Variants in TNFRSF19 observed in about 807,000 individuals in gnomAD.
TNFRSF19 encodes tumor necrosis factor receptor superfamily member 19.
TNFRSF19 carries 27 observed loss-of-function variants against 46.4 expected under a neutral mutation model. The ratio of observed to expected loss-of-function variants is 0.58; its 90% confidence interval spans 0.43 to 0.80. TNFRSF19 has a LOEUF of 0.80. TNFRSF19 is among the 30% of genes least tolerant of loss of function. The pLI is 0.00. For synonymous variants in TNFRSF19, 204 were observed against 205.0 expected, an observed-to-expected ratio of 1.00 and a Z score of 0.04; for missense variants, 511 against 530.8, an observed-to-expected ratio of 0.96 and a Z score of 0.37.
chr13:23,599,411 C>T (rs1461390498), intron 3 of TNFRSF19, among the ~76,000 whole-genome samples: 2 of 152,052 alleles, frequency 1.3e-5, no homozygotes, highest in Admixed American at 6.5e-5. Context: ...CTCGAGAGAT[C>T]CTGACAGCAT....
intron 1 of TNFRSF19, among the ~76,000 whole-genome samples, chr13:23,576,430 G>A (rs560711266): frequency 9.2e-5 from 14 of 152,124 alleles, no homozygotes; most frequent in Non-Finnish European, 1.8e-4. Flanking sequence ...ACTGCACCCG[G>A]CCCACAGAAC....
chr13:23,666,502 G>T (rs1284712068), intron 7 of TNFRSF19, among the ~76,000 whole-genome samples: 1 of 152,140 alleles, frequency 6.6e-6, no homozygotes, highest in Non-Finnish European at 1.5e-5. Context: ...TATTTATTCT[G>T]ATGCTCATGT....
At chr13:23,644,736 G>A (rs973377416) in intron 5 of TNFRSF19, among the ~76,000 whole-genome samples, 1 of 152,162 alleles carries the variant, frequency 6.6e-6, no homozygotes, top group Non-Finnish European at 1.5e-5. Flanking sequence ...GTACAACTGC[G>A]GTGAGCTGTC....
intron 5 of TNFRSF19, among the ~76,000 whole-genome samples, chr13:23,632,677 AAC>A (rs1882425474): frequency 6.6e-6 from 1 of 152,214 alleles, no homozygotes; most frequent in Non-Finnish European, 1.5e-5. Context: ...AAACCAAATA[AAC>A]ACAGCTGAAA....
intron 1 of TNFRSF19, among the ~76,000 whole-genome samples, chr13:23,589,051 T>C (rs1414358798): frequency 6.6e-6 from 1 of 152,234 alleles, no homozygotes; most frequent in Non-Finnish European, 1.5e-5. Context: ...TTGTTTTTCT[T>C]GAGCTGTTTG....
At chr13:23,613,867 A>G (rs1466925407) in intron 3 of TNFRSF19, among the ~76,000 whole-genome samples, 1 of 152,208 alleles carries the variant, frequency 6.6e-6, no homozygotes, top group Non-Finnish European at 1.5e-5. Flanking sequence ...ATCACCCCGC[A>G]AAGACCCAGC....
chr13:23,670,169 T>A (rs1054718369), intron 9 of TNFRSF19, among the ~76,000 whole-genome samples: 1 of 152,224 alleles, frequency 6.6e-6, no homozygotes, highest in Non-Finnish European at 1.5e-5. Flanking sequence ...TACATACTGA[T>A]CTAAGTCTGC....
intron 5 of TNFRSF19, among the ~76,000 whole-genome samples, chr13:23,630,975 T>C (rs781046948): frequency 6.6e-6 from 1 of 152,024 alleles, no homozygotes. Context: ...TAAATCACTG[T>C]GTGAGAGAAA....
Position 23,619,868 on chromosome 13 carries a change from G to A in TNFRSF19, c.359+3823G>A, listed in dbSNP as rs551312293. 2.0e-5 allele frequency among the ~76,000 whole-genome samples: 3 copies of A among 152,316 alleles called. No individual in the cohort carries two copies. The South Asian group carries it at 6.2e-4, about 32-fold the overall frequency. On this transcript the variant is annotated intron_variant, in intron 4 of 9. Transcript: ENST00000248484. Reference sequence around the variant, plus strand: ...TATAGAGCCCATGCAGGGCTGTGCTGCCGGAGTAGGGGAGCAGGTCTGCCC... The same window carrying A: ...TATAGAGCCCATGCAGGGCTGTGCTACCGGAGTAGGGGAGCAGGTCTGCCC...
At chr13:23,661,927 G>A (rs1884392144) in intron 7 of TNFRSF19, among the ~76,000 whole-genome samples, 1 of 152,078 alleles carries the variant, frequency 6.6e-6, no homozygotes, top group South Asian at 2.1e-4. Context: ...TATAGATGCT[G>A]TATATTAGAC....
chr13:23,608,911 C>A (rs1370141682), intron 3 of TNFRSF19, among the ~76,000 whole-genome samples: 2 of 152,202 alleles, frequency 1.3e-5, no homozygotes, highest in African/African-American at 2.4e-5. Flanking sequence ...CTGAGCTACG[C>A]TCGACCTTGC....
intron 9 of TNFRSF19, 21 bp downstream of exon 9, chr13:23,669,118 C>T: frequency 1.2e-6 from 2 of 1,609,552 alleles, no homozygotes; most frequent in South Asian, 1.1e-5. Flanking sequence ...GACTGGGTTC[C>T]CTGTGAACAC....
intron 5 of TNFRSF19, among the ~76,000 whole-genome samples, chr13:23,652,789 T>C (rs1883728739): frequency 6.6e-6 from 1 of 152,236 alleles, no homozygotes; most frequent in African/African-American, 2.4e-5. Context: ...TTAAGTCATC[T>C]TTCTGGAATA....
intron 9 of TNFRSF19, among the ~76,000 whole-genome samples, chr13:23,671,362 A>G (rs140614265): frequency 5.9e-5 from 9 of 152,316 alleles, no homozygotes; most frequent in African/African-American, 2.2e-4. Flanking sequence ...GTAGCCCTAT[A>G]ATTGTTAGAT....
intron 3 of TNFRSF19, among the ~76,000 whole-genome samples, chr13:23,615,033 T>C (rs1881176179): frequency 6.6e-6 from 1 of 152,202 alleles, no homozygotes; most frequent in African/African-American, 2.4e-5. Context: ...ATGAATGTTT[T>C]TGTAAACAAT....
At chr13:23,638,226 C>G (rs1030356808) in intron 5 of TNFRSF19, among the ~76,000 whole-genome samples, 7 of 88,808 alleles carry the variant, frequency 7.9e-5, no homozygotes, top group African/African-American at 2.2e-4. Flanking sequence ...TTCCTTTACT[C>G]TCTCATGTTT....
At chr13:23,656,489 C>G (rs1883991305) in intron 5 of TNFRSF19, among the ~76,000 whole-genome samples, 1 of 152,196 alleles carries the variant, frequency 6.6e-6, no homozygotes, top group African/African-American at 2.4e-5. Flanking sequence ...TATGATACTA[C>G]TTTAACCCAA....
intron 3 of TNFRSF19, among the ~76,000 whole-genome samples, chr13:23,599,853 A>G (rs1880008463): frequency 6.6e-6 from 1 of 151,118 alleles, no homozygotes; most frequent in Admixed American, 6.6e-5. Flanking sequence ...CCTGTCCTGA[A>G]CTAGTTTTTC....
At chr13:23,596,100 C>G (rs1038616546) in intron 3 of TNFRSF19, among the ~76,000 whole-genome samples, 2 of 152,104 alleles carry the variant, frequency 1.3e-5, no homozygotes, top group Admixed American at 1.3e-4. Flanking sequence ...TACAAGAGCT[C>G]CTGAAGGAAG....
Sources: allele counts gnomAD v4.1 joint callset (sites outside exome capture counted in the v4.1 genomes callset), GRCh38; gene constraint gnomAD v4.1.1; transcripts MANE v1.5; gene names NCBI Gene and HGNC (gene_info 2026-07-23, HGNC 2026-07-21).